MAGI2: variants seen among roughly 807,000 people sequenced by gnomAD.
MAGI2 encodes the protein membrane associated guanylate kinase, WW and PDZ domain containing 2, also known as membrane-associated guanylate kinase, WW and PDZ domain-containing protein 2.
A neutral mutation model predicts 133.3 loss-of-function variants in MAGI2; 35 were observed. The ratio of observed to expected loss-of-function variants is 0.26; its 90% CI spans 0.20 to 0.35. MAGI2 has a LOEUF of 0.35. MAGI2 is among the 10% of genes least tolerant of loss of function. The pLI is 1.00. For missense variants in MAGI2, 1,636 were observed against 1,863.4 expected, an observed-to-expected ratio of 0.88 and a Z score of 2.25; for synonymous variants, 729 against 710.6, an observed-to-expected ratio of 1.03 and a Z score of -0.41.
In MAGI2 at chr7:78,127,909, C is replaced by A. The variant is rs985507644; in HGVS notation, c.3204-493G>T. Among the ~76,000 whole-genome samples, 5 of 152,142 alleles carry A rather than the reference C, an allele frequency of 3.3e-5. No individual in the cohort carries two copies. In the East Asian group the frequency reaches 7.7e-4, roughly 23 times the overall value. ...GATCTCTAAATACATTACAAATACA[C>A]AATCAAAGGCTATTTTAACCTGCTG... On this transcript the variant is annotated intron_variant, in intron 18 of 21. Transcript: ENST00000354212.
At chr7:78,819,532 T>C (rs1789902263) in intron 2 of MAGI2, among the ~76,000 whole-genome samples, 1 of 152,068 alleles carries the variant, frequency 6.6e-6, no homozygotes, top group Non-Finnish European at 1.5e-5. Flanking sequence ...ACGTCTCACA[T>C]TTTTAAAAAT....
chr7:79,015,704 G>GA (rs983225298), intron 1 of MAGI2, among the ~76,000 whole-genome samples: 2 of 152,104 alleles, frequency 1.3e-5, no homozygotes, highest in Non-Finnish European at 2.9e-5. Flanking sequence ...TTTTACTGTA[G>GA]AAAAATGTTG....
Position 78,742,822 on chromosome 7 carries a change from G to C in MAGI2, c.419-115583C>G, listed in dbSNP as rs147066192. ...AAATAAGGCTAGAAAAATCGATTCA[G>C]CTTCCACCTTGCTGGTAAGGGACCC... is the stretch of plus-strand genomic sequence containing the variant. On this transcript the variant is annotated intron_variant, in intron 2 of 21. Coordinates refer to ENST00000354212, the MANE Select transcript of MAGI2 (RefSeq NM_012301.4). Among the ~76,000 whole-genome samples, 931 of 152,238 alleles carry C rather than the reference G, an allele frequency of 6.1e-3. 6 individuals carry two copies. The highest frequency in any genetic ancestry group is 6.7e-3 in the Non-Finnish European group (454 of 68,012).
chr7:78,335,126 A>T (rs1286941422), intron 9 of MAGI2, among the ~76,000 whole-genome samples: 1 of 152,226 alleles, frequency 6.6e-6, no homozygotes, highest in African/African-American at 2.4e-5. Flanking sequence ...AAAATGTTTT[A>T]TCTAAGTATT....
intron 6 of MAGI2, among the ~76,000 whole-genome samples, chr7:78,380,240 C>T (rs905186720): frequency 6.6e-6 from 1 of 151,618 alleles, no homozygotes; most frequent in African/African-American, 2.4e-5. Flanking sequence ...GCAAAATAAA[C>T]ACTAGCTAGC....
intron 6 of MAGI2, among the ~76,000 whole-genome samples, chr7:78,391,730 C>T (rs186576634): frequency 6.6e-6 from 1 of 152,268 alleles, no homozygotes; most frequent in East Asian, 1.9e-4. Context: ...CAGAATTTTA[C>T]TCTTTCAATT....
chr7:78,357,574 C>A (rs769328733), intron 7 of MAGI2, among the ~76,000 whole-genome samples: 1 of 152,134 alleles, frequency 6.6e-6, no homozygotes, highest in Non-Finnish European at 1.5e-5. Flanking sequence ...AATGGAGGGG[C>A]CCTGTCAACC....
intron 1 of MAGI2, among the ~76,000 whole-genome samples, chr7:79,309,645 T>G (rs1188845184): frequency 6.6e-6 from 1 of 151,888 alleles, no homozygotes; most frequent in African/African-American, 2.4e-5. Flanking sequence ...CTATAAGTAT[T>G]TAGCTTGCAT....
intron 12 of MAGI2, 61 bp downstream of exon 12, chr7:78,194,813 A>G (rs942146011): frequency 7.1e-5 from 97 of 1,359,076 alleles, no homozygotes; most frequent in Non-Finnish European, 9.0e-5. Context: ...GCCTCAATAT[A>G]TCTCCTGGCA....
chr7:78,260,270 A>T (rs1207625152), intron 9 of MAGI2, among the ~76,000 whole-genome samples: 2 of 152,172 alleles, frequency 1.3e-5, no homozygotes, highest in African/African-American at 4.8e-5. Context: ...ACATGTCGTG[A>T]AATAAAAATA....
At chr7:78,432,009 TA>T (rs1380955491) in intron 6 of MAGI2, among the ~76,000 whole-genome samples, 1 of 152,070 alleles carries the variant, frequency 6.6e-6, no homozygotes, top group Non-Finnish European at 1.5e-5. Flanking sequence ...TACCAAATCT[TA>T]AGCGTTCAAA....
At chr7:79,088,751 G>T (rs1489379779) in intron 1 of MAGI2, among the ~76,000 whole-genome samples, 1 of 152,006 alleles carries the variant, frequency 6.6e-6, no homozygotes, top group African/African-American at 2.4e-5. Context: ...GGCCTTTTCT[G>T]CATGTATTGA....
rs367884817 is a variant in MAGI2 at position 78,867,296 on chromosome 7, T to A, written c.418+139794A>T. ...TAAAGACTTGGAACCAACCCAAATG[T>A]CCAACAATGATAGACTGGATTAAGA... On this transcript the variant is annotated intron_variant, in intron 2 of 21. Coordinates refer to ENST00000354212, the MANE Select transcript of MAGI2 (RefSeq NM_012301.4). Among the ~76,000 whole-genome samples the A allele has an allele frequency of 8.4e-4, 127 of 150,410 alleles. 1 individual carries two copies. In the East Asian group the frequency reaches 0.021, roughly 24 times the overall value.
At chr7:78,427,066 G>A (rs1188086352) in intron 6 of MAGI2, among the ~76,000 whole-genome samples, 1 of 152,044 alleles carries the variant, frequency 6.6e-6, no homozygotes, top group Non-Finnish European at 1.5e-5. Context: ...GCAAGTTAAG[G>A]AAGTATATTG....
chr7:79,286,603 C>T (rs1836021218), intron 1 of MAGI2, among the ~76,000 whole-genome samples: 1 of 134,554 alleles, frequency 7.4e-6, no homozygotes, highest in Non-Finnish European at 1.7e-5. Context: ...AGAAACAGCC[C>T]AAAATATGGT....
chr7:78,437,196 C>G (rs916842953), intron 6 of MAGI2, among the ~76,000 whole-genome samples: 3 of 152,134 alleles, frequency 2.0e-5, no homozygotes, highest in Admixed American at 1.3e-4. Flanking sequence ...AGGCAATCCA[C>G]GAAGCATCAT....
chr7:79,267,981 T>C (rs1423565926), intron 1 of MAGI2, among the ~76,000 whole-genome samples: 1 of 152,150 alleles, frequency 6.6e-6, no homozygotes, highest in East Asian at 1.9e-4. Flanking sequence ...CTAGGTGTGA[T>C]GACATTCTTC....
intron 2 of MAGI2, among the ~76,000 whole-genome samples, chr7:78,772,273 G>A (rs1168107366): frequency 1.3e-5 from 2 of 152,050 alleles, no homozygotes; most frequent in Non-Finnish European, 2.9e-5. Context: ...TTCTTTCAAG[G>A]GTCAAAGAAT....
chr7:79,442,863 C>T (rs543016380), intron 1 of MAGI2, among the ~76,000 whole-genome samples: 1 of 152,028 alleles, frequency 6.6e-6, no homozygotes, highest in Non-Finnish European at 1.5e-5. Flanking sequence ...TTTAGTGACC[C>T]TCCAAGCCTA....
Sources: gnomAD v4.1 joint callset for allele counts (sites outside exome capture counted in the v4.1 genomes callset) on GRCh38, gnomAD v4.1.1 for gene constraint, MANE v1.5 for transcripts, NCBI Gene and HGNC (gene_info 2026-07-23, HGNC 2026-07-21) for gene names.